APOB: variants seen among roughly 807,000 people sequenced by gnomAD.
The protein encoded by APOB is apolipoprotein B-100.
A neutral mutation model predicts 314.1 loss-of-function variants in APOB; 153 were observed. The observed-to-expected ratio is 0.49, with a 90% CI of 0.43 to 0.56. The LOEUF (loss-of-function observed/expected upper bound fraction) is 0.56, where lower values mean the gene tolerates loss of function less well. Among genes scored for constraint, APOB ranks in the 20% least tolerant of loss-of-function variants. APOB has a pLI of 0.00. For synonymous variants in APOB, 2,087 were observed against 2,036.4 expected, an observed-to-expected ratio of 1.02 and a Z score of -0.67; for missense variants, 5,430 against 5,350.7, an observed-to-expected ratio of 1.01 and a Z score of -0.46.
Position 21,029,954 on chromosome 2 carries a change from C to A in APOB, c.1414G>T (p.Glu472Ter), listed in dbSNP as rs767495928. 1 of 1,614,116 alleles carries A rather than the reference C, an allele frequency of 6.2e-7. No individual in the cohort carries two copies. Among genetic ancestry groups the A allele is most frequent in the Admixed American group, 1.7e-5 (1 of 60,024 alleles). ...ELLDIANYLM[E>*]QIQDDCTGDE... ...CCAGTGCAGTCATCTTGAATCTGTT[C>A]CATCAGGTAATTAGCAATGTCCAGC... is the stretch of plus-strand genomic sequence containing the variant. The change falls in exon 11 of 29, where the codon GAA becomes TAA. Residue 472 changes from glutamate (E) to a stop codon, truncating the protein, a stop_gained. Transcript: ENST00000233242. LOFTEE classifies it high-confidence loss of function.
rs1041962 is a variant in APOB at position 21,010,330 on chromosome 2, G to A, written c.6538C>T (p.Gln2180Ter). The A allele has an allele frequency of 1.3e-6, 2 of 1,558,396 alleles. No individual in the cohort carries two copies. The highest frequency in any genetic ancestry group is 8.7e-7 in the Non-Finnish European group (1 of 1,152,708). ...KLSQLQTYMI[Q>*]FDQYIKDSYD... ...CTATCTTTAATATACTGATCAAATT[G>A]TATCATATATGTCTGCAGTTGAGAT... Residue 2180 changes from glutamine (Q) to a stop codon, truncating the protein, a stop_gained, in exon 26 of 29, where the codon CAA becomes TAA. Coordinates refer to ENST00000233242, the MANE Select transcript of APOB (RefSeq NM_000384.3). LOFTEE classifies it high-confidence loss of function.
rs1663133620 is a variant in APOB, at chr2:21,006,213, C to T, written c.10655G>A (p.Gly3552Glu). The T allele has an allele frequency of 6.2e-7, 1 of 1,613,864 alleles. No homozygotes were observed. Among genetic ancestry groups the T allele is most frequent in the African/African-American group, 1.3e-5 (1 of 74,886 alleles). ...ATATATGCGTTGGAGTGTGGCTTCT[C>T]CAGCAAAATTTTCTTTTACTTCAAG... ...WNLEVKENFA[G>E]EATLQRIYSL... The change falls in exon 26 of 29, where the codon GGA (glycine) becomes GAA (glutamate). Residue 3552 changes from glycine (G) to glutamate (E), a missense_variant. Physicochemically the swap from Gly to Glu is moderately conservative, Grantham distance 98. Transcript: ENST00000233242.
chr2:21,019,730 C>T lies in APOB; in HGVS notation c.2992G>A (p.Asp998Asn). 1 of 1,613,998 alleles carries T rather than the reference C, an allele frequency of 6.2e-7. No individual in the cohort carries two copies. Among genetic ancestry groups the T allele is most frequent in the Non-Finnish European group, 8.5e-7 (1 of 1,179,958 alleles). Residue 998 changes from aspartate to asparagine, a missense_variant, in exon 19 of 29, where the codon GAC (aspartate) becomes AAC (asparagine). Asp to Asn is a conservative substitution (Grantham distance 23). This residue lies in a region of APOB where 2,085 missense variants were observed against 2,079.7 expected (regional missense o/e 1.00). Transcript: ENST00000233242. The stretch of plus-strand genomic sequence containing the variant: ...GCACTGAGCATCTCTAACCTGGTGT[C>T]CCCGGTCAGCGGATAGTAGGAGGCG... Reference protein sequence around the residue: ...DSASYYPLTGDTRLELELRPT... With the variant: ...DSASYYPLTGNTRLELELRPT...
chr2:21,016,286 C>CA (rs1026076659), intron 21 of APOB, among the ~76,000 whole-genome samples, 153 bp downstream of exon 21: 1,760 of 133,270 alleles, frequency 0.013, 23 homozygotes, highest in African/African-American at 0.037. Context: ...GACTCCATCT[C>CA]AAAAAAAAAA....
Position 21,007,696 on chromosome 2 carries a change from C to A in APOB, c.9172G>T (p.Val3058Phe). The A allele has an allele frequency of 1.9e-6, 3 of 1,614,092 alleles. No homozygotes were observed. Among genetic ancestry groups the A allele is most frequent in the Non-Finnish European group, 2.5e-6 (3 of 1,179,948 alleles). ...ASTNNEGNLK[V>F]RFPLRLTGKI... is the part of the protein sequence containing the mutation. Reference sequence around the variant, plus strand: ...CCTGTTAACCTTAATGGAAAACGAACTTTCAAATTCCCTTCATTGTTTGTG... The same window carrying A: ...CCTGTTAACCTTAATGGAAAACGAAATTTCAAATTCCCTTCATTGTTTGTG... Residue 3058 changes from valine (V) to phenylalanine (F), a missense_variant, in exon 26 of 29, where the codon GTT (valine) becomes TTT (phenylalanine). Val to Phe is a conservative substitution (Grantham distance 50). Transcript: ENST00000233242.
Position 21,024,708 on chromosome 2 carries a change from T to G in APOB, c.2436+225A>C, listed in dbSNP as rs903012415. 4.4e-6 allele frequency: 3 copies of G among 687,114 alleles called. No homozygotes were observed. In the African/African-American group the frequency reaches 5.4e-5, roughly 12 times the overall value. 42.6% of individuals were successfully genotyped at this position (687,114 alleles called of 1,614,324 possible). On this transcript the variant is annotated intron_variant, in intron 16 of 28. Transcript: ENST00000233242. ...GTTTTCCAGATGAATAAATTAATGC[T>G]CTTAAAAATACAGCTAACATTATGA...
rs780841518 is a variant in APOB at position 21,042,470 on chromosome 2, G to T, written c.128C>A (p.Ala43Glu). Reference sequence around the variant, plus strand: ...CTTCCGGAGGTGCTTGAATCGGGTCGCATCTTCTAACGTGGGGAGAAATAC... The same window carrying T: ...CTTCCGGAGGTGCTTGAATCGGGTCTCATCTTCTAACGTGGGGAGAAATAC... ...ENVSLVCPKD[A>E]TRFKHLRKYT... The change falls in exon 3 of 29, where the codon GCG becomes GAG. Residue 43 changes from alanine to glutamate, a missense_variant. This residue lies in a region of APOB where 2,085 missense variants were observed against 2,079.7 expected (regional missense o/e 1.00). Transcript: ENST00000233242. 3.1e-6 allele frequency: 5 copies of T among 1,613,712 alleles called. No individual in the cohort carries two copies. Among genetic ancestry groups the T allele is most frequent in the East Asian group, 2.2e-5 (1 of 44,874 alleles).
chr2:21,006,866 C>T lies in APOB; in HGVS notation c.10002G>A (p.Met3334Ile). Reference protein sequence around the residue: ...CTISHIFIPAMGNITYDFSFK... With the variant: ...CTISHIFIPAIGNITYDFSFK... ...AGGAGAAATCATAGGTAATATTGCC[C>T]ATGGCAGGAATAAAAATATGGCTTA... The change falls in exon 26 of 29, where the codon ATG becomes ATA. Residue 3334 changes from methionine (M) to isoleucine (I), a missense_variant. This residue lies in a region of APOB where 3,281 missense variants were observed against 3,171.0 expected (regional missense o/e 1.03). Transcript: ENST00000233242. 1 of 1,614,028 alleles carries T rather than the reference C, an allele frequency of 6.2e-7. No homozygotes were observed. Among genetic ancestry groups the T allele is most frequent in the Non-Finnish European group, 8.5e-7 (1 of 1,179,958 alleles).
Position 21,012,702 on chromosome 2 carries a change from A to T in APOB, c.4217-51T>A, listed in dbSNP as rs761049781. 7.0e-6 allele frequency: 11 copies of T among 1,580,578 alleles called. No homozygotes were observed. In the Admixed American group the frequency reaches 1.5e-4, roughly 22 times the overall value. On this transcript the variant is annotated intron_variant, in intron 25 of 28. Coordinates refer to ENST00000233242, the MANE Select transcript of APOB (RefSeq NM_000384.3). ...GTTAAATTAAGCAGTACATTTCCAG[A>T]GCAATCTCTATGTTGAAAGTCTTTC...
At chr2:21,014,877 G>C (rs1322811647) in intron 23 of APOB, among the ~76,000 whole-genome samples, 196 bp downstream of exon 23, 1 of 152,162 alleles carries the variant, frequency 6.6e-6, no homozygotes, top group Non-Finnish European at 1.5e-5. Context: ...GCATCTCTTT[G>C]ATATGTATCA....
At position 21,008,166 on chromosome 2, in the gene APOB, G is replaced by C. The variant is rs1663202923; in HGVS notation, c.8702C>G (p.Ser2901Cys). The change falls in exon 26 of 29, where the codon TCT (serine) becomes TGT (cysteine). Residue 2901 changes from serine (S) to cysteine (C), a missense_variant. Transcript: ENST00000233242. ...CTCGTTGCGCAGGTCAGCCTGACTA[G>C]AGAAGTCCAGTTTGGGGATGTTCAA... ...HKLNIPKLDF[S>C]SQADLRNEIK... 3.7e-6 allele frequency: 6 copies of C among 1,614,070 alleles called. No individual in the cohort carries two copies. Among genetic ancestry groups the C allele is most frequent in the Non-Finnish European group, 5.1e-6 (6 of 1,179,984 alleles).
In APOB at chr2:21,002,184, T is replaced by A; in HGVS notation, c.13238A>T (p.Asn4413Ile). 6.2e-7 allele frequency: 1 copy of A among 1,613,972 alleles called. No individual in the cohort carries two copies. The highest frequency in any genetic ancestry group is 2.2e-5 in the East Asian group (1 of 44,874). The change falls in exon 29 of 29, where the codon AAC (asparagine) becomes ATC (isoleucine). Residue 4413 changes from asparagine (N) to isoleucine (I), a missense_variant. Asn to Ile is a moderately radical substitution (Grantham distance 149). Transcript: ENST00000233242. ...LEEKIVSLIK[N>I]LLVALKDFHS... is the part of the protein sequence containing the mutation. ...GAAGTCCTTAAGAGCAACTAACAGG[T>A]TCTTGATCAGACTGACTATCTTTTC... is the stretch of plus-strand genomic sequence containing the variant.
In APOB at chr2:21,011,813, T is replaced by C. The variant is rs755845618; in HGVS notation, c.5055A>G (p.Thr1685=). 6.2e-7 allele frequency: 1 copy of C among 1,614,176 alleles called. No homozygotes were observed. The highest frequency in any genetic ancestry group is 8.5e-7 in the Non-Finnish European group (1 of 1,180,024). The change falls in exon 26 of 29, where the codon ACA becomes ACG. Residue 1685 remains threonine, a synonymous_variant. Coordinates refer to ENST00000233242, the MANE Select transcript of APOB (RefSeq NM_000384.3). ...TGTGTTCCCTGAAGCGGCCATTTGT[T>C]GTTAATTTCATAGATGCCCCAGAGA... ...LGLSGASMKL[T]TNGRFREHNA... is the part of the protein sequence containing the mutation.
intron 18 of APOB, 72 bp from the exon 19 acceptor site, chr2:21,019,977 T>C: frequency 7.1e-7 from 1 of 1,416,784 alleles, no homozygotes; most frequent in Non-Finnish European, 1.0e-6. Flanking sequence ...ATTCTCAGGG[T>C]GCAAATACCC....
In APOB at chr2:21,007,693, G is replaced by C; in HGVS notation, c.9175C>G (p.Arg3059Gly). ...STNNEGNLKV[R>G]FPLRLTGKID... Reference sequence around the variant, plus strand: ...TTCCCTGTTAACCTTAATGGAAAACGAACTTTCAAATTCCCTTCATTGTTT... The same window carrying C: ...TTCCCTGTTAACCTTAATGGAAAACCAACTTTCAAATTCCCTTCATTGTTT... The change falls in exon 26 of 29, where the codon CGT (arginine) becomes GGT (glycine). Residue 3059 changes from arginine (R) to glycine (G), a missense_variant. Transcript: ENST00000233242. 6.2e-7 allele frequency: 1 copy of C among 1,614,042 alleles called. No homozygotes were observed. The highest frequency in any genetic ancestry group is 2.2e-5 in the East Asian group (1 of 44,888).
intron 28 of APOB, among the ~76,000 whole-genome samples, chr2:21,003,956 G>A (rs930013395): frequency 6.6e-6 from 1 of 152,142 alleles, no homozygotes; most frequent in South Asian, 2.1e-4. Flanking sequence ...AGTCCTCTCT[G>A]AAAAATATAC....
rs1044214842 is a variant in APOB at position 21,016,732 on chromosome 2, C to T, written c.3122-83G>A. ...GGGTGCGGTGGCTCACACCTGTAAT[C>T]CCAGCACTTTGGGAGGCCAAGGCGG... On this transcript the variant is annotated intron_variant, in intron 20 of 28. Transcript: ENST00000233242. 1.3e-5 allele frequency: 12 copies of T among 898,420 alleles called. No homozygotes were observed. The African/African-American group carries it at 1.8e-4, about 13-fold the overall frequency. The allele number at this position is 898,420 out of a possible 1,614,324, so 55.7% of individuals were successfully genotyped here. A position where few individuals can be genotyped will look rare whatever the true frequency, so the allele number is the denominator to read the frequency against.
At position 21,037,190 on chromosome 2, in the gene APOB, T is replaced by C; in HGVS notation, c.603A>G (p.Thr201=). Residue 201 remains threonine (T), a synonymous_variant, in exon 6 of 29, where the codon ACA becomes ACG. Coordinates refer to ENST00000233242, the MANE Select transcript of APOB (RefSeq NM_000384.3). ...TVKTRKGNVA[T]EISTERDLGQ... is the part of the protein sequence containing the mutation. ...CCAGGTCTCTTTCAGTGGATATTTCTGTTGCCACATTGCCCTTCCTCGTCT... is the reference window on the plus strand; with the variant it reads ...CCAGGTCTCTTTCAGTGGATATTTCCGTTGCCACATTGCCCTTCCTCGTCT... The C allele has an allele frequency of 6.2e-7, 1 of 1,614,252 alleles. No homozygotes were observed. Among genetic ancestry groups the C allele is most frequent in the Non-Finnish European group, 8.5e-7 (1 of 1,180,050 alleles).
intron 12 of APOB, among the ~76,000 whole-genome samples, chr2:21,028,904 AG>A (rs1329966929): frequency 2.6e-5 from 4 of 152,202 alleles, no homozygotes; most frequent in African/African-American, 9.6e-5. Context: ...GCTAATAAAT[AG>A]GGTAGTTTCC....
Sources: gnomAD v4.1 joint callset for allele counts (sites outside exome capture counted in the v4.1 genomes callset) on GRCh38, gnomAD v4.1.1 for gene constraint, gnomAD v4.1.1 regional missense constraint, MANE v1.5 for transcripts, NCBI Gene and HGNC (gene_info 2026-07-23, HGNC 2026-07-21) for gene names.